Variants in ODF2L observed in about 807,000 individuals in gnomAD.
ODF2L encodes the protein outer dense fiber of sperm tails 2 like.
In ODF2L, 76 loss-of-function variants were observed where a neutral mutation model predicts 86.3. The observed-to-expected ratio is 0.88, with a 90% CI of 0.73 to 1.07. ODF2L has a LOEUF of 1.07. Among genes scored for constraint, ODF2L ranks in the 50% least tolerant of loss-of-function variants. ODF2L has a pLI of 0.00. For synonymous variants in ODF2L, 241 were observed against 231.3 expected (o/e 1.04, Z -0.38); for missense variants, 748 against 717.4 (o/e 1.04, Z -0.49).
At chr1:86,393,029 T>C (rs1386500347) in intron 1 of ODF2L, among the ~76,000 whole-genome samples, 1 of 152,114 alleles carries the variant, frequency 6.6e-6, no homozygotes, top group Non-Finnish European at 1.5e-5. Context: ...ACAGCAAGCA[T>C]TTGGGGATAA....
At chr1:86,366,154 C>T (rs999764949) in intron 11 of ODF2L, among the ~76,000 whole-genome samples, 1 of 151,814 alleles carries the variant, frequency 6.6e-6, no homozygotes, top group Non-Finnish European at 1.5e-5. Flanking sequence ...TCTCCTGTTT[C>T]GTTAGTCTTT....
intron 11 of ODF2L, among the ~76,000 whole-genome samples, chr1:86,362,512 A>G (rs1211378634): frequency 6.6e-6 from 1 of 151,600 alleles, no homozygotes. Flanking sequence ...AGTGAGCTCA[A>G]ACTTCTGAGC....
At chr1:86,355,238 C>A in intron 14 of ODF2L, 1 of 740,620 alleles carries the variant, frequency 1.4e-6, no homozygotes, top group South Asian at 1.9e-5. Context: ...TTCTGTTTCA[C>A]CTAAAAATAC....
rs1208240499 is a variant in ODF2L, at chr1:86,382,920, AT to A, written c.507+10del. On this transcript the variant is annotated intron_variant, in intron 6 of 17. Coordinates refer to ENST00000317336, the Ensembl canonical transcript of ODF2L. ...TAATGAATTAAGCTCAAAAGCTCAA[AT>A]TTTGCTTACCTTTTCACTCTGAAAC... 6.9e-7 allele frequency: 1 copy of A among 1,447,816 alleles called. No individual in the cohort carries two copies. The highest frequency in any genetic ancestry group is 2.3e-5 in the East Asian group (1 of 43,886). The allele number at this position is 1,447,816 out of a possible 1,614,324, so 89.7% of individuals were successfully genotyped here.
Position 86,390,218 on chromosome 1 carries a change from C to T in ODF2L, c.-59-3132G>A, listed in dbSNP as rs201577310. On this transcript the variant is annotated intron_variant, in intron 1 of 17. Coordinates refer to ENST00000317336, the Ensembl canonical transcript of ODF2L. ...CGGGTGGATCGTGAGGTCAGGAGTT[C>T]AAGACCAGCCTGGCCAAGATGGTGA... 1.3e-4 allele frequency among the ~76,000 whole-genome samples: 20 copies of T among 152,220 alleles called. No individual in the cohort carries two copies. In the East Asian group the frequency reaches 2.9e-3, roughly 22 times the overall value.
At chr1:86,372,647 G>C (rs577539595) in intron 8 of ODF2L, 107 bp from the exon 9 acceptor site, 27 of 570,242 alleles carry the variant, frequency 4.7e-5, no homozygotes, top group Non-Finnish European at 6.7e-5. Flanking sequence ...CTTCCAAAAA[G>C]TATGGAACTT....
chr1:86,367,130 A>G (rs1204509301), intron 11 of ODF2L, among the ~76,000 whole-genome samples: 2 of 152,142 alleles, frequency 1.3e-5, no homozygotes, highest in Non-Finnish European at 2.9e-5. Flanking sequence ...ATGGTGGCAG[A>G]TTTTCTCTCC....
At chr1:86,355,254 A>T in intron 14 of ODF2L, 1 of 818,646 alleles carries the variant, frequency 1.2e-6, no homozygotes, top group Non-Finnish European at 2.0e-6. Flanking sequence ...AATACTGATT[A>T]ATAATTGAGT....
intron 7 of ODF2L, among the ~76,000 whole-genome samples, chr1:86,377,963 T>C (rs957736430): frequency 2.0e-5 from 3 of 152,258 alleles, no homozygotes; most frequent in African/African-American, 7.2e-5. Flanking sequence ...GTGTTTCTTT[T>C]CTATTGCATG....
downstream of ODF2L, chr1:86,346,965 C>T (rs956316305): frequency 2.6e-5 from 4 of 152,176 alleles, no homozygotes; most frequent in African/African-American, 9.7e-5. Flanking sequence ...GGCAAGTTAC[C>T]TAACCTTTCC....
intron 1 of ODF2L, among the ~76,000 whole-genome samples, chr1:86,388,613 A>T (rs1172786371): frequency 6.6e-6 from 1 of 152,000 alleles, no homozygotes; most frequent in Non-Finnish European, 1.5e-5. Flanking sequence ...CTTTTCAGGG[A>T]TCATTAAAAG....
intron 7 of ODF2L, among the ~76,000 whole-genome samples, chr1:86,379,558 C>T (rs1324107648): frequency 1.3e-5 from 2 of 152,028 alleles, no homozygotes; most frequent in Non-Finnish European, 2.9e-5. Flanking sequence ...GAATTGGTAG[C>T]TCCCCAAATA....
chr1:86,378,785 C>T (rs535846845), intron 7 of ODF2L, among the ~76,000 whole-genome samples: 92 of 152,144 alleles, frequency 6.0e-4, no homozygotes, highest in African/African-American at 1.8e-3. Context: ...AGGTCTCTCC[C>T]TAGACAGATG....
chr1:86,384,829 AT>A, intron 3 of ODF2L, 28 bp from the exon 4 acceptor site: 1 of 1,464,766 alleles, frequency 6.8e-7, no homozygotes, highest in Non-Finnish European at 9.0e-7. Context: ...CCACATACAC[AT>A]TTTAAGACAC....
Position 86,384,662 on chromosome 1 carries a change from T to G in ODF2L, c.372+14A>C. 1 of 1,417,972 alleles carries G rather than the reference T, an allele frequency of 7.1e-7. No homozygotes were observed. The highest frequency in any genetic ancestry group is 9.3e-7 in the Non-Finnish European group (1 of 1,076,278). 87.8% of individuals were successfully genotyped at this position (1,417,972 alleles called of 1,614,324 possible). A position where few individuals can be genotyped will look rare whatever the true frequency, so the allele number is the denominator to read the frequency against. On this transcript the variant is annotated intron_variant, in intron 4 of 17. Coordinates refer to ENST00000317336, the Ensembl canonical transcript of ODF2L. ...TATCACTATTAAAATGAGTGCTTAG[T>G]GTTGATGCCTTACTTGTTTGTAGTC...
intron 14 of ODF2L, chr1:86,355,520 T>A: frequency 1.6e-6 from 1 of 620,872 alleles, no homozygotes; most frequent in Non-Finnish European, 2.9e-6. Flanking sequence ...AACTAAAATT[T>A]TGTCTGCATA....
intron 11 of ODF2L, among the ~76,000 whole-genome samples, chr1:86,367,782 T>C (rs1236803700): frequency 6.6e-6 from 1 of 152,122 alleles, no homozygotes; most frequent in African/African-American, 2.4e-5. Context: ...ATATAACAAA[T>C]TGTCAATTTA....
chr1:86,359,971 A>C (rs1658915667), intron 12 of ODF2L, among the ~76,000 whole-genome samples: 1 of 152,194 alleles, frequency 6.6e-6, no homozygotes, highest in Non-Finnish European at 1.5e-5. Flanking sequence ...CACATGGTCT[A>C]TTTCATATAT....
chr1:86,369,268 T>TAA (rs768670060), intron 10 of ODF2L, among the ~76,000 whole-genome samples: 1 of 151,046 alleles, frequency 6.6e-6, no homozygotes, highest in Non-Finnish European at 1.5e-5. Flanking sequence ...ATGTCACTGC[T>TAA]AAAAAAAAAT....
Sources: gnomAD v4.1 joint callset for allele counts (sites outside exome capture counted in the v4.1 genomes callset) on GRCh38, gnomAD v4.1.1 for gene constraint, MANE v1.5 for transcripts, NCBI Gene and HGNC (gene_info 2026-07-23, HGNC 2026-07-21) for gene names.